TRPC5: variants seen among roughly 807,000 people sequenced by gnomAD.
The protein encoded by TRPC5 is short transient receptor potential channel 5.
A neutral mutation model predicts 56.5 loss-of-function variants in TRPC5; 9 were observed. The observed-to-expected ratio is 0.16, with a 90% CI of 0.10 to 0.28. The LOEUF (loss-of-function observed/expected upper bound fraction) is 0.28, where lower values mean the gene tolerates loss of function less well. TRPC5 is among the 10% of genes least tolerant of loss of function. The probability of loss-of-function intolerance (pLI) is 1.00; values close to 1 mark genes in which losing one functional copy is unlikely to be tolerated. For missense variants in TRPC5, 469 were observed against 748.9 expected (o/e 0.63, Z 4.36); for synonymous variants, 282 against 278.5 (o/e 1.01, Z -0.13).
At chrX:111,833,176 T>A (rs766362659) in intron 7 of TRPC5, among the ~76,000 whole-genome samples, 53 of 111,512 alleles carry the variant, frequency 4.8e-4, no homozygotes, top group African/African-American at 1.7e-3. Flanking sequence ...GGAACTGAAC[T>A]ATATTGAATT....
At chrX:111,838,359 T>G (rs1417513777) in intron 6 of TRPC5, among the ~76,000 whole-genome samples, 1 of 110,084 alleles carries the variant, frequency 9.1e-6, no homozygotes, top group Non-Finnish European at 1.9e-5. Flanking sequence ...GGGACTGTCA[T>G]GTGAGGTGGA....
At chrX:112,023,983 AT>A (rs1418273804) in intron 1 of TRPC5, among the ~76,000 whole-genome samples, 1 of 111,150 alleles carries the variant, frequency 9.0e-6, no homozygotes, top group South Asian at 3.9e-4. Flanking sequence ...GGTGCCTTCA[AT>A]CTCTAGAAAT....
At chrX:111,801,913 T>C (rs1921322958) in intron 7 of TRPC5, among the ~76,000 whole-genome samples, 1 of 112,024 alleles carries the variant, frequency 8.9e-6, no homozygotes, top group African/African-American at 3.2e-5. Context: ...AATCATCTCT[T>C]TTATCACTTG....
At chrX:111,904,630 T>C (rs1344489585) in intron 3 of TRPC5, among the ~76,000 whole-genome samples, 1 of 110,319 alleles carries the variant, frequency 9.1e-6, no homozygotes, top group Non-Finnish European at 1.9e-5. Context: ...CTGGGGCCTG[T>C]TGGGGGCTGG....
At chrX:111,887,983 G>A (rs1924586765) in intron 3 of TRPC5, among the ~76,000 whole-genome samples, 1 of 111,847 alleles carries the variant, frequency 8.9e-6, no homozygotes, top group South Asian at 3.7e-4. Flanking sequence ...GGAAGACTCA[G>A]GACTGCCAAG....
At chrX:111,955,464 G>A (rs1293930705) in intron 1 of TRPC5, among the ~76,000 whole-genome samples, 1 of 112,141 alleles carries the variant, frequency 8.9e-6, no homozygotes, top group Admixed American at 9.5e-5. Context: ...GAGGGTAAAG[G>A]AGAGGTCTGG....
chrX:112,037,614 CT>C (rs761809874), intron 1 of TRPC5, among the ~76,000 whole-genome samples: 1 of 111,657 alleles, frequency 9.0e-6, no homozygotes, highest in Non-Finnish European at 1.9e-5. Context: ...AATTTCTTGT[CT>C]TAATTCTGTT....
chrX:111,990,326 G>T (rs866490557), intron 1 of TRPC5, among the ~76,000 whole-genome samples: 5 of 108,049 alleles, frequency 4.6e-5, no homozygotes, highest in African/African-American at 1.6e-4. Flanking sequence ...GCTGAGGCAG[G>T]TTAATCACTT....
chrX:112,042,781 C>T (rs1405194538), intron 1 of TRPC5, among the ~76,000 whole-genome samples: 1 of 109,203 alleles, frequency 9.2e-6, no homozygotes, highest in Non-Finnish European at 1.9e-5. Flanking sequence ...AAACTCTCTA[C>T]CTTTAAGACT....
chrX:111,809,891 T>TG (rs1556558666), intron 7 of TRPC5, among the ~76,000 whole-genome samples: 131 of 109,907 alleles, frequency 1.2e-3, no homozygotes, highest in African/African-American at 4.0e-3. Flanking sequence ...TGTTTTTTTT[T>TG]TTGTTGTTGT....
At chrX:111,949,827 A>G (rs1927027353) in intron 2 of TRPC5, among the ~76,000 whole-genome samples, 1 of 111,949 alleles carries the variant, frequency 8.9e-6, no homozygotes, top group African/African-American at 3.3e-5. Flanking sequence ...CATTTTATCC[A>G]GCAATCCCAC....
chrX:112,051,829 T>C (rs952867561), intron 1 of TRPC5, among the ~76,000 whole-genome samples: 13 of 111,947 alleles, frequency 1.2e-4, no homozygotes, highest in African/African-American at 3.9e-4. Flanking sequence ...TCTGTCTCTA[T>C]GAATTTGGCA....
At chrX:111,977,213 G>A in intron 1 of TRPC5, among the ~76,000 whole-genome samples, 1 of 111,466 alleles carries the variant, frequency 9.0e-6, no homozygotes, top group South Asian at 3.8e-4. Flanking sequence ...ATAAGCTGGA[G>A]GCATCATATT....
intron 1 of TRPC5, among the ~76,000 whole-genome samples, chrX:112,000,442 A>G (rs1928668361): frequency 8.9e-6 from 1 of 112,201 alleles, no homozygotes; most frequent in Admixed American, 9.4e-5. Context: ...TGATCTGGAC[A>G]GGGTTCACTG....
rs753585829 is a variant in TRPC5 at position 111,912,525 on chromosome X, A to G, written c.666T>C (p.Arg222=). 2.1e-5 allele frequency: 26 copies of G among 1,209,684 alleles called. No individual in the cohort carries two copies. In the South Asian group the frequency reaches 4.4e-4, roughly 21 times the overall value. ...SSEDPILTAF[R]LGWELKELSK... ...TGAGCTCCTTGAGCTCCCAGCCCAG[A>G]CGGAAGGCAGTTAGGATGGGGTCCT... The change falls in exon 3 of 11, where the codon CGT becomes CGC. Residue 222 remains arginine, a synonymous_variant. Coordinates refer to ENST00000262839, the MANE Select transcript of TRPC5 (RefSeq NM_012471.3).
At chrX:111,868,086 G>A (rs767056324) in intron 3 of TRPC5, among the ~76,000 whole-genome samples, 9 of 112,063 alleles carry the variant, frequency 8.0e-5, no homozygotes, top group Non-Finnish European at 1.5e-4. Flanking sequence ...ACTACTGGAT[G>A]TCAAACATTG....
chrX:111,949,963 A>G (rs182044415), intron 2 of TRPC5, among the ~76,000 whole-genome samples: 20 of 110,315 alleles, frequency 1.8e-4, no homozygotes, highest in African/African-American at 6.5e-4. Context: ...ATCAATCAAC[A>G]AGTGGATAAA....
chrX:112,009,660 G>T (rs1410568924), intron 1 of TRPC5, among the ~76,000 whole-genome samples: 1 of 111,875 alleles, frequency 8.9e-6, no homozygotes. Flanking sequence ...TTTTAGAGCA[G>T]AAGTCTTTAG....
intron 6 of TRPC5, among the ~76,000 whole-genome samples, chrX:111,840,242 G>A (rs1248861079): frequency 8.9e-6 from 1 of 112,060 alleles, no homozygotes; most frequent in Non-Finnish European, 1.9e-5. Flanking sequence ...GCCCATGCTT[G>A]TCTTGAACTC....
Sources: gnomAD v4.1 joint callset for allele counts (sites outside exome capture counted in the v4.1 genomes callset) on GRCh38, gnomAD v4.1.1 for gene constraint, MANE v1.5 for transcripts, NCBI Gene and HGNC (gene_info 2026-07-23, HGNC 2026-07-21) for gene names.